Variants in RALGDS observed in about 807,000 individuals in gnomAD.
RALGDS encodes ral guanine nucleotide dissociation stimulator.
A neutral mutation model predicts 99.8 loss-of-function variants in RALGDS; 44 were observed. That is an observed-to-expected ratio of 0.44 (90% CI 0.35 to 0.57). The LOEUF is 0.57. RALGDS is among the 20% of genes least tolerant of loss of function. The probability of loss-of-function intolerance (pLI) is 0.01; values close to 1 mark genes in which losing one functional copy is unlikely to be tolerated. For missense variants in RALGDS, 1,022 were observed against 1,203.1 expected (o/e 0.85, Z 2.23); for synonymous variants, 529 against 505.0 (o/e 1.05, Z -0.64).
intron 1 of RALGDS, among the ~76,000 whole-genome samples, chr9:133,146,223 C>T (rs1029141081): frequency 6.6e-6 from 1 of 152,026 alleles, no homozygotes; most frequent in East Asian, 1.9e-4. Context: ...GGTCTGGCTC[C>T]GTCGCCCAGG....
chr9:133,110,901 G>A (rs958363853), intron 2 of RALGDS, among the ~76,000 whole-genome samples: 4 of 151,722 alleles, frequency 2.6e-5, no homozygotes, highest in Admixed American at 1.3e-4. Context: ...GGGCAACATG[G>A]CAAAACCCCA....
intron 14 of RALGDS, 64 bp from the exon 15 acceptor site, chr9:133,102,203 T>C: frequency 1.3e-6 from 2 of 1,499,032 alleles, no homozygotes; most frequent in Admixed American, 2.0e-5. Flanking sequence ...CCACAGCCCC[T>C]GCACCCTGCG....
chr9:133,122,557 CA>C (rs1224246412), upstream of RALGDS, among the ~76,000 whole-genome samples: 1 of 152,210 alleles, frequency 6.6e-6, no homozygotes, highest in Non-Finnish European at 1.5e-5. Context: ...TTCATCCGTT[CA>C]GAACAAGACC....
In RALGDS at chr9:133,109,739, T is replaced by C. The variant is rs1564237178; in HGVS notation, c.489-18A>G. ...TACCGTACCTGCTTATGACGTCTAG[T>C]GTTACTGTCTGACTCTCCGACTAGA... On this transcript the variant is annotated intron_variant, in intron 3 of 17. Transcript: ENST00000372050. 6.2e-7 allele frequency: 1 copy of C among 1,601,784 alleles called. No individual in the cohort carries two copies.
At chr9:133,122,630 G>A (rs1484632080), upstream of RALGDS, among the ~76,000 whole-genome samples, 1 of 152,188 alleles carries the variant, frequency 6.6e-6, no homozygotes, top group Non-Finnish European at 1.5e-5. Flanking sequence ...GTTGCAGCTG[G>A]GTGGAAGCTC....
upstream of RALGDS, among the ~76,000 whole-genome samples, chr9:133,131,771 A>T (rs925494812): frequency 6.6e-6 from 1 of 152,208 alleles, no homozygotes; most frequent in Non-Finnish European, 1.5e-5. Context: ...TGGTCAGCCC[A>T]GGACTGAAAT....
chr9:133,106,165 G>A, intron 8 of RALGDS, 149 bp from the exon 9 acceptor site: 1 of 674,568 alleles, frequency 1.5e-6, no homozygotes, highest in Non-Finnish European at 2.7e-6. Flanking sequence ...CTGCAGGTCT[G>A]GGGAGGGGGC....
chr9:133,129,938 C>G (rs968194945), intron 1 of RALGDS, among the ~76,000 whole-genome samples: 2 of 152,012 alleles, frequency 1.3e-5, no homozygotes, highest in African/African-American at 4.8e-5. Context: ...CCTCAGCCTC[C>G]CAGGTATCTG....
chr9:133,121,132 T>C lies in RALGDS; in HGVS notation c.23A>G (p.Glu8Gly). 1.4e-6 allele frequency: 2 copies of C among 1,448,676 alleles called. No individual in the cohort carries two copies. The highest frequency in any genetic ancestry group is 1.8e-6 in the Non-Finnish European group (2 of 1,105,340). The allele number at this position is 1,448,676 out of a possible 1,614,324, so 89.7% of individuals were successfully genotyped here. A position where few individuals can be genotyped will look rare whatever the true frequency, so the allele number is the denominator to read the frequency against. ...GGCGCCGCCAGCAGGCCCGGCCGCC[T>C]CGGCCCACATGCGCTGCACCATGGA... MVQRMWA[E>G]AAGPAGGAEP... Residue 8 changes from glutamate (E) to glycine (G), a missense_variant, in exon 1 of 18, where the codon GAG becomes GGG. This residue lies in a region of RALGDS where 180 missense variants were observed against 169.3 expected (regional missense o/e 1.06). Coordinates refer to ENST00000372050, the MANE Select transcript of RALGDS (RefSeq NM_006266.4).
In RALGDS at chr9:133,102,011, C is replaced by A; in HGVS notation, c.2138G>T (p.Gly713Val). Residue 713 changes from glycine to valine, a missense_variant, in exon 15 of 18, where the codon GGC becomes GTC. Gly to Val is a moderately radical substitution (Grantham distance 109). This residue lies in a region of RALGDS where 825 missense variants were observed against 994.5 expected (regional missense o/e 0.83). Coordinates refer to ENST00000372050, the MANE Select transcript of RALGDS (RefSeq NM_006266.4). The stretch of plus-strand genomic sequence containing the variant: ...CTCCTCCACGTCGGAGCTAGAGGAG[C>A]CGGCCGAGTGCACGCTGAGCGCGTC... ...IADALSVHSA[G>V]SSSSDVEEIN... The A allele has an allele frequency of 6.4e-7, 1 of 1,552,716 alleles. No homozygotes were observed. Among genetic ancestry groups the A allele is most frequent in the Non-Finnish European group, 8.7e-7 (1 of 1,147,678 alleles).
At chr9:133,111,894 A>T in intron 2 of RALGDS, 148 bp downstream of exon 2, 1 of 676,174 alleles carries the variant, frequency 1.5e-6, no homozygotes, top group East Asian at 2.7e-5. Context: ...CAAACATGAA[A>T]ACCCGATTAA....
In RALGDS at chr9:133,104,342, A is replaced by G; in HGVS notation, c.1603-11T>C. On this transcript the variant is annotated splice_polypyrimidine_tract_variant and intron_variant, in intron 9 of 17. Transcript: ENST00000372050. ...CTTGGAGGTGCCCTCCTGCCAGGGT[A>G]GAGGACAGGGTCAGCAAGGCCCTAT... The G allele has an allele frequency of 6.2e-7, 1 of 1,609,322 alleles. No individual in the cohort carries two copies. Among genetic ancestry groups the G allele is most frequent in the Non-Finnish European group, 8.5e-7 (1 of 1,175,734 alleles).
chr9:133,104,760 C>T (rs1205267149), intron 9 of RALGDS, among the ~76,000 whole-genome samples: 4 of 152,120 alleles, frequency 2.6e-5, no homozygotes, highest in African/African-American at 4.8e-5. Flanking sequence ...TGCAGTGAGC[C>T]GAGATCACGC....
chr9:133,103,307 C>T (rs1830850205), intron 11 of RALGDS, 45 bp from the exon 12 acceptor site: 2 of 1,611,026 alleles, frequency 1.2e-6, no homozygotes, highest in South Asian at 2.2e-5. Context: ...GACCCCTTGA[C>T]CATTACAGTC....
At chr9:133,112,478 A>C (rs555717746) in intron 1 of RALGDS, among the ~76,000 whole-genome samples, 1 of 152,266 alleles carries the variant, frequency 6.6e-6, no homozygotes, top group Non-Finnish European at 1.5e-5. Flanking sequence ...TTATTCAGCC[A>C]TTGCACAGAT....
At chr9:133,103,130 T>C (rs1830841709) in intron 12 of RALGDS, 100 bp downstream of exon 12, 1 of 1,504,282 alleles carries the variant, frequency 6.6e-7, no homozygotes. Context: ...AAATGTCCCA[T>C]GTCCCATGAA....
In RALGDS at chr9:133,121,081, C is replaced by T; in HGVS notation, c.74G>A (p.Arg25Gln). 6.8e-7 allele frequency: 1 copy of T among 1,481,038 alleles called. No homozygotes were observed. Among genetic ancestry groups the T allele is most frequent in the Non-Finnish European group, 8.9e-7 (1 of 1,121,906 alleles). The allele number at this position is 1,481,038 out of a possible 1,614,324, so 91.7% of individuals were successfully genotyped here. ...GAEPLFPGSR[R>Q]SRSVWDAVRL... ...CACGGCGTCCCACACGCTGCGGCTC[C>T]GCCGGGAGCCCGGAAACAGCGGCTC... Residue 25 changes from arginine to glutamine, a missense_variant, in exon 1 of 18, where the codon CGG (arginine) becomes CAG (glutamine). Physicochemically the swap from Arg to Gln is conservative, Grantham distance 43. Transcript: ENST00000372050.
rs1257160405 is a variant in RALGDS at position 133,110,467 on chromosome 9, T to C, written c.317A>G (p.Asn106Ser). 2 of 1,612,998 alleles carry C rather than the reference T, an allele frequency of 1.2e-6. No homozygotes were observed. The highest frequency in any genetic ancestry group is 2.2e-5 in the South Asian group (2 of 91,070). ...CCGCACCTTGCAAGTCTCATAAAGG[T>C]TCAGGGCCGACTCATTCTCATACTG... ...WLGYENESAL[N>S]LYETCKVRTV... The change falls in exon 3 of 18, where the codon AAC (asparagine) becomes AGC (serine). Residue 106 changes from asparagine to serine, a missense_variant. Transcript: ENST00000372050.
In RALGDS at chr9:133,106,662, C is replaced by A; in HGVS notation, c.1500G>T (p.Thr500=). ...ATGCCCACCTGGAAACGTCTTCCCA[C>A]GTCTTCTTCAGACGGTGGATGGAGT... ...QSNSIHRLKK[T]WEDVSRDSFR... Residue 500 remains threonine (T), a synonymous_variant, in exon 8 of 18, where the codon ACG becomes ACT. Transcript: ENST00000372050. The A allele has an allele frequency of 6.2e-7, 1 of 1,610,580 alleles. No homozygotes were observed. Among genetic ancestry groups the A allele is most frequent in the Non-Finnish European group, 8.5e-7 (1 of 1,178,360 alleles).
Sources: allele counts gnomAD v4.1 joint callset (sites outside exome capture counted in the v4.1 genomes callset), GRCh38; gene constraint gnomAD v4.1.1; regional missense constraint gnomAD v4.1.1; transcripts MANE v1.5; gene names NCBI Gene and HGNC (gene_info 2026-07-23, HGNC 2026-07-21).